The following RAF1 variants were observed in gnomAD, a reference collection of about 807,000 sequenced individuals.
The protein encoded by RAF1 is Raf-1 proto-oncogene, serine/threonine kinase, also known as RAF proto-oncogene serine/threonine-protein kinase.
A neutral mutation model predicts 81.1 loss-of-function variants in RAF1; 27 were observed. The observed-to-expected ratio is 0.33, with a 90% CI of 0.25 to 0.46. The LOEUF is 0.46. RAF1 is among the 20% of genes least tolerant of loss of function. The probability of loss-of-function intolerance (pLI) is 1.00; values close to 1 mark genes in which losing one functional copy is unlikely to be tolerated. For missense variants in RAF1, 598 were observed against 826.0 expected, an observed-to-expected ratio of 0.72 and a Z score of 3.38; for synonymous variants, 298 against 294.0, an observed-to-expected ratio of 1.01 and a Z score of -0.14.
chr3:12,624,102 G>A (rs944667913), intron 1 of RAF1, among the ~76,000 whole-genome samples: 7 of 151,908 alleles, frequency 4.6e-5, no homozygotes, highest in Non-Finnish European at 5.9e-5. Context: ...TGATCCACCC[G>A]CCTCAGCCTC....
At chr3:12,631,042 A>G (rs1374923176) in intron 1 of RAF1, among the ~76,000 whole-genome samples, 2 of 152,102 alleles carry the variant, frequency 1.3e-5, no homozygotes, top group Non-Finnish European at 2.9e-5. Flanking sequence ...GGATTGTTCC[A>G]GGCTCACTAA....
intron 2 of RAF1, among the ~76,000 whole-genome samples, chr3:12,612,831 T>TATG (rs1297481644): frequency 2.0e-5 from 3 of 152,100 alleles, no homozygotes; most frequent in Non-Finnish European, 4.4e-5. Flanking sequence ...TATACACATA[T>TATG]ATGTTCACTA....
chr3:12,624,987 A>C (rs2059661845), intron 1 of RAF1, among the ~76,000 whole-genome samples: 1 of 152,224 alleles, frequency 6.6e-6, no homozygotes, highest in Admixed American at 6.5e-5. Context: ...AATTCACAGA[A>C]AAGCAATACA....
At chr3:12,650,563 T>C (rs577586108) in intron 1 of RAF1, among the ~76,000 whole-genome samples, 2 of 152,168 alleles carry the variant, frequency 1.3e-5, no homozygotes, top group Non-Finnish European at 2.9e-5. Flanking sequence ...CTCTATAGAC[T>C]GTAACCCAGC....
chr3:12,644,599 C>T (rs535465404), intron 1 of RAF1, among the ~76,000 whole-genome samples: 8 of 152,300 alleles, frequency 5.3e-5, no homozygotes, highest in African/African-American at 1.4e-4. Context: ...TGGCTCTATC[C>T]TTTTGCTTAG....
At chr3:12,618,910 A>G (rs904041777) in intron 1 of RAF1, among the ~76,000 whole-genome samples, 163 bp from the exon 2 acceptor site, 1 of 152,348 alleles carries the variant, frequency 6.6e-6, no homozygotes, top group African/African-American at 2.4e-5. Flanking sequence ...CTTCCATTAA[A>G]TATTTCATAG....
chr3:12,599,203 G>C (rs2058781986), intron 11 of RAF1: 1 of 159,860 alleles, frequency 6.3e-6, no homozygotes, highest in African/African-American at 2.4e-5. Context: ...TTCCCTGTTT[G>C]ATAGGGACAC....
chr3:12,650,146 A>C (rs1245800600), intron 1 of RAF1, among the ~76,000 whole-genome samples: 2 of 16,112 alleles, frequency 1.2e-4, no homozygotes, highest in African/African-American at 3.0e-4. Context: ...ACTCCATCTC[A>C]AAAAAAAAAA....
intron 1 of RAF1, among the ~76,000 whole-genome samples, chr3:12,660,505 G>A (rs2060841843): frequency 6.6e-6 from 1 of 151,964 alleles, no homozygotes; most frequent in South Asian, 2.1e-4. Context: ...GTAGGGACAG[G>A]TTTTCACCAT....
chr3:12,603,253 C>T (rs897826361), intron 8 of RAF1, among the ~76,000 whole-genome samples: 3 of 152,228 alleles, frequency 2.0e-5, no homozygotes, highest in South Asian at 4.1e-4. Context: ...TTCAGAAATT[C>T]ATTTCACCTA....
At chr3:12,647,445 C>G (rs561330585) in intron 1 of RAF1, among the ~76,000 whole-genome samples, 9 of 149,438 alleles carry the variant, frequency 6.0e-5, no homozygotes, top group African/African-American at 2.2e-4. Context: ...TACAAAAAAT[C>G]AGCCATGCAC....
chr3:12,653,470 G>A (rs571285857), intron 1 of RAF1, among the ~76,000 whole-genome samples: 1 of 152,084 alleles, frequency 6.6e-6, no homozygotes, highest in African/African-American at 2.4e-5. Context: ...TCTTGGCTGG[G>A]CACATTGGCT....
intron 2 of RAF1, among the ~76,000 whole-genome samples, chr3:12,615,307 T>C (rs753616035): frequency 8.5e-5 from 13 of 152,104 alleles, no homozygotes; most frequent in Non-Finnish European, 1.6e-4. Flanking sequence ...ATTTAGAAAA[T>C]AAAAATTCCA....
chr3:12,596,135 AGTGCTAGGGATTACAG>A (rs531593952), intron 11 of RAF1, among the ~76,000 whole-genome samples: 12 of 151,202 alleles, frequency 7.9e-5, no homozygotes, highest in Non-Finnish European at 1.8e-4. Context: ...AGCCTCCCAA[AGTGCTAGGGATTACAG>A]GTGTGAACCA....
chr3:12,629,588 G>T (rs1304511516), intron 1 of RAF1, among the ~76,000 whole-genome samples: 1 of 152,178 alleles, frequency 6.6e-6, no homozygotes, highest in South Asian at 2.1e-4. Context: ...AATGTCCAAG[G>T]TTACATGGTA....
intron 10 of RAF1, 148 bp downstream of exon 9, chr3:12,600,004 G>T: frequency 7.2e-7 from 1 of 1,381,118 alleles, no homozygotes; most frequent in Non-Finnish European, 1.0e-6. Context: ...ATGCAAGTGT[G>T]CCAAAAATGA....
intron 1 of RAF1, among the ~76,000 whole-genome samples, chr3:12,643,175 T>C (rs2060245173): frequency 6.6e-6 from 1 of 152,140 alleles, no homozygotes; most frequent in South Asian, 2.1e-4. Flanking sequence ...AAGCACAATA[T>C]CTACCACTCA....
intron 13 of RAF1, chr3:12,588,615 T>C (rs976495378): frequency 2.0e-5 from 3 of 151,864 alleles, no homozygotes; most frequent in Admixed American, 6.6e-5. Flanking sequence ...TGGGACCACC[T>C]TCCTATATGT....
At chr3:12,655,402 A>G (rs1184620753) in intron 1 of RAF1, among the ~76,000 whole-genome samples, 1 of 152,220 alleles carries the variant, frequency 6.6e-6, no homozygotes, top group East Asian at 1.9e-4. Context: ...TGTTACTTTA[A>G]AAATTAAAAA....
Sources: gnomAD v4.1 joint callset for allele counts (sites outside exome capture counted in the v4.1 genomes callset) on GRCh38, gnomAD v4.1.1 for gene constraint, MANE v1.5 for transcripts, NCBI Gene and HGNC (gene_info 2026-07-23, HGNC 2026-07-21) for gene names.